ARHGAP33: variants seen among roughly 807,000 people sequenced by gnomAD.
ARHGAP33 encodes rho GTPase-activating protein 33.
Under a neutral mutation model 126.2 loss-of-function variants are expected in ARHGAP33, and 57 were observed. The ratio of observed to expected loss-of-function variants is 0.45; its 90% CI spans 0.36 to 0.56. The LOEUF (loss-of-function observed/expected upper bound fraction) is 0.56, where lower values mean the gene tolerates loss of function less well. Ranked by LOEUF, ARHGAP33 falls within the 20% of genes least tolerant of loss-of-function variation. ARHGAP33 has a pLI of 0.00. For missense variants in ARHGAP33, 1,500 were observed against 1,748.3 expected, an observed-to-expected ratio of 0.86 and a Z score of 2.53; for synonymous variants, 711 against 755.0, an observed-to-expected ratio of 0.94 and a Z score of 0.95.
intron 1 of ARHGAP33, 100 bp downstream of exon 1, chr19:35,775,764 G>A: frequency 8.1e-7 from 1 of 1,227,054 alleles, no homozygotes; most frequent in Non-Finnish European, 1.1e-6. Context: ...GCCCGATCCC[G>A]CGGCCTGTGC....
In ARHGAP33 at chr19:35,788,194, A is replaced by G; in HGVS notation, c.3629A>G (p.Gln1210Arg). The change falls in exon 21 of 21, where the codon CAA (glutamine) becomes CGA (arginine). Residue 1210 changes from glutamine to arginine, a missense_variant. Around this residue, in one of 6 missense-constraint regions of ARHGAP33, gnomAD observed 642 missense variants for 634.0 expected, o/e 1.01. Transcript: ENST00000007510. ...CCAGTCCCCCGCCTTCCCCAGAAACAACGGGCACCCTGGGGACCCCGTACC... is the reference window on the plus strand; with the variant it reads ...CCAGTCCCCCGCCTTCCCCAGAAACGACGGGCACCCTGGGGACCCCGTACC... ...GPPVPRLPQK[Q>R]RAPWGPRTPH... 1.2e-6 allele frequency: 2 copies of G among 1,603,866 alleles called. No homozygotes were observed. The highest frequency in any genetic ancestry group is 1.7e-6 in the Non-Finnish European group (2 of 1,176,630).
At chr19:35,778,173 C>A in intron 3 of ARHGAP33, 107 bp from the exon 4 acceptor site, 4 of 1,199,636 alleles carry the variant, frequency 3.3e-6, no homozygotes, top group Non-Finnish European at 3.6e-6. Flanking sequence ...AGGCCCTGTC[C>A]TCGGGGAGGT....
intron 6 of ARHGAP33, 199 bp from the exon 7 acceptor site, chr19:35,780,012 C>A: frequency 1.3e-6 from 1 of 766,608 alleles, no homozygotes; most frequent in Non-Finnish European, 2.3e-6. Context: ...AGGGGTTTTT[C>A]TTAGAGGTTT....
At position 35,786,744 on chromosome 19, in the gene ARHGAP33, C is replaced by T. The variant is rs551382423; in HGVS notation, c.2274C>T (p.Pro758=). Residue 758 remains proline, a synonymous_variant, in exon 20 of 21, where the codon CCC becomes CCT. Transcript: ENST00000007510. This position sits in a 1 kb window ranked among gnomAD's most constrained non-coding sequence, Gnocchi z 7.0. ...SSPTPGDPAP[P]ASPAPPAPAS... ...CCACCCCAGGGGATCCCGCACCTCC[C>T]GCCAGCCCAGCACCCCCCGCCCCTG... The T allele has an allele frequency of 1.9e-5, 29 of 1,524,930 alleles. No homozygotes were observed. The highest frequency in any genetic ancestry group is 3.6e-5 in the South Asian group (3 of 82,332). The allele number at this position is 1,524,930 out of a possible 1,614,324, so 94.5% of individuals were successfully genotyped here.
At position 35,777,732 on chromosome 19, in the gene ARHGAP33, C is replaced by G. The variant is rs946607857; in HGVS notation, c.94C>G (p.Pro32Ala). Residue 32 changes from proline to alanine, a missense_variant, in exon 2 of 21, where the codon CCT becomes GCT. Coordinates refer to ENST00000007510, the MANE Select transcript of ARHGAP33 (RefSeq NM_001366178.1). ...TAGGPSVKGK[P>A]GKRLSAPRGP... is the part of the protein sequence containing the mutation. ...TGGGGGGCCCAGTGTGAAGGGGAAG[C>G]CTGGGAAGAGGTGAGGGTGAGGGAG... is the stretch of plus-strand genomic sequence containing the variant. 1 of 1,611,560 alleles carries G rather than the reference C, an allele frequency of 6.2e-7. No individual in the cohort carries two copies. The highest frequency in any genetic ancestry group is 8.5e-7 in the Non-Finnish European group (1 of 1,178,950).
At chr19:35,776,423 A>G (rs1026948572) in intron 1 of ARHGAP33, among the ~76,000 whole-genome samples, 2 of 152,036 alleles carry the variant, frequency 1.3e-5, no homozygotes, top group African/African-American at 4.8e-5. Flanking sequence ...CTCCAGGCAC[A>G]GAGAGAGTCA....
Position 35,786,265 on chromosome 19 carries a change from G to A in ARHGAP33, c.1943-148G>A. The A allele has an allele frequency of 1.4e-6, 2 of 1,429,412 alleles. No homozygotes were observed. Among genetic ancestry groups the A allele is most frequent in the Non-Finnish European group, 1.8e-6 (2 of 1,096,330 alleles). The allele number at this position is 1,429,412 out of a possible 1,614,324, so 88.5% of individuals were successfully genotyped here. On this transcript the variant is annotated intron_variant, in intron 19 of 20. Coordinates refer to ENST00000007510, the MANE Select transcript of ARHGAP33 (RefSeq NM_001366178.1). This position sits in a 1 kb window ranked among gnomAD's most constrained non-coding sequence, Gnocchi z 7.0. ...TTTGGGCCGGAAGTGTCCTCTTCAT[G>A]GTCTCCACTGTCAATCTGAACAGCT...
At chr19:35,778,753 G>C in intron 5 of ARHGAP33, 152 bp downstream of exon 5, 1 of 1,169,368 alleles carries the variant, frequency 8.6e-7, no homozygotes, top group Non-Finnish European at 1.2e-6. Flanking sequence ...TAGAAACGTA[G>C]TAGGCTTCTG....
intron 15 of ARHGAP33, among the ~76,000 whole-genome samples, chr19:35,783,762 C>T (rs1235561095): frequency 2.0e-5 from 3 of 151,980 alleles, no homozygotes; most frequent in Admixed American, 6.6e-5. Flanking sequence ...CTGAGCCAGG[C>T]GGGCCCTGAT....
At chr19:35,775,927 G>C (rs1971431504) in intron 1 of ARHGAP33, among the ~76,000 whole-genome samples, 1 of 151,920 alleles carries the variant, frequency 6.6e-6, no homozygotes, top group African/African-American at 2.4e-5. Flanking sequence ...GCTAGTCCAG[G>C]AAGGGACCCG....
rs745959595 is a variant in ARHGAP33, at chr19:35,788,030, C to T, written c.3465C>T (p.Pro1155=). Residue 1155 remains proline, a synonymous_variant, in exon 21 of 21, where the codon CCC becomes CCT. Coordinates refer to ENST00000007510, the MANE Select transcript of ARHGAP33 (RefSeq NM_001366178.1). ...CTGACCACCTTGGCTACTCAGCCCC[C>T]CAGCACCCTGCTCGGCGCCCTACAC... ...FPPDHLGYSA[P]QHPARRPTPP... is the part of the protein sequence containing the mutation. 1 of 1,610,282 alleles carries T rather than the reference C, an allele frequency of 6.2e-7. No homozygotes were observed. Among genetic ancestry groups the T allele is most frequent in the East Asian group, 2.2e-5 (1 of 44,648 alleles).
At position 35,779,105 on chromosome 19, in the gene ARHGAP33, C is replaced by G; in HGVS notation, c.482C>G (p.Pro161Arg). The G allele has an allele frequency of 1.9e-6, 3 of 1,551,720 alleles. No homozygotes were observed. The highest frequency in any genetic ancestry group is 2.6e-6 in the Non-Finnish European group (3 of 1,147,076). Residue 161 changes from proline to arginine, a missense_variant, in exon 6 of 21, where the codon CCT (proline) becomes CGT (arginine). Pro to Arg is a moderately radical substitution (Grantham distance 103). Coordinates refer to ENST00000007510, the MANE Select transcript of ARHGAP33 (RefSeq NM_001366178.1). ...GLVDSNLNCG[P>R]VLTWMELDNH... ...GTGGACAGTAACCTCAACTGCGGGC[C>G]TGTGCTCACCTGGATGGAGGTGGGC...
chr19:35,787,263 A>T lies in ARHGAP33; in HGVS notation c.2698A>T (p.Met900Leu). 1 of 1,611,350 alleles carries T rather than the reference A, an allele frequency of 6.2e-7. No individual in the cohort carries two copies. The highest frequency in any genetic ancestry group is 8.5e-7 in the Non-Finnish European group (1 of 1,179,268). ...GCCCCCTAAGAACCCAGCACGCCTC[A>T]TGGCCCTGGCCCTGGCTGAGCGGGC... ...PPPPKNPARL[M>L]ALALAERAQQ... Residue 900 changes from methionine (M) to leucine (L), a missense_variant, in exon 21 of 21, where the codon ATG (methionine) becomes TTG (leucine). Physicochemically the swap from Met to Leu is conservative, Grantham distance 15 (BLOSUM62 2). Coordinates refer to ENST00000007510, the MANE Select transcript of ARHGAP33 (RefSeq NM_001366178.1).
At chr19:35,776,410 A>G (rs1157618058) in intron 1 of ARHGAP33, among the ~76,000 whole-genome samples, 1 of 151,760 alleles carries the variant, frequency 6.6e-6, no homozygotes, top group African/African-American at 2.4e-5. Context: ...TGCAGGCCCC[A>G]CGCTCCAGGC....
Position 35,785,457 on chromosome 19 carries a change from C to A in ARHGAP33, c.1916C>A (p.Ser639Tyr). The change falls in exon 19 of 21, where the codon TCT (serine) becomes TAT (tyrosine). Residue 639 changes from serine to tyrosine, a missense_variant. By Grantham distance (144) the Ser-to-Tyr change is moderately radical. Around this residue, in one of 6 missense-constraint regions of ARHGAP33, gnomAD observed 300 missense variants for 291.1 expected, o/e 1.03. Transcript: ENST00000007510. Reference protein sequence around the residue: ...VTLRSAKSEESLSSQASGAGL... With the variant: ...VTLRSAKSEEYLSSQASGAGL... ...CTGAGATCTGCCAAGAGCGAGGAGT[C>A]TCTGTCATCGCAGGCCAGCGGGGCT... 1 of 1,614,206 alleles carries A rather than the reference C, an allele frequency of 6.2e-7. No individual in the cohort carries two copies. Among genetic ancestry groups the A allele is most frequent in the South Asian group, 1.1e-5 (1 of 91,088 alleles).
intron 1 of ARHGAP33, 138 bp from the exon 2 acceptor site, chr19:35,777,507 C>T: frequency 1.4e-6 from 1 of 703,974 alleles, no homozygotes; most frequent in Non-Finnish European, 2.5e-6. Flanking sequence ...CCTCACCTCC[C>T]CCGACCTGCC....
rs759102286 is a variant in ARHGAP33 at position 35,788,202 on chromosome 19, CCCTGGGGACCCCGTA to C, written c.3640_3654del (p.Trp1214_Thr1218del). 3.7e-6 allele frequency: 6 copies of C among 1,608,714 alleles called. No homozygotes were observed. Among genetic ancestry groups the C allele is most frequent in the Non-Finnish European group, 4.2e-6 (5 of 1,178,314 alleles). ...CCGCCTTCCCCAGAAACAACGGGCA[CCCTGGGGACCCCGTA>C]CCCCTCATAGGGTGCCGGGTCCCTG... On this transcript the variant is annotated inframe_deletion, in exon 21 of 21. Transcript: ENST00000007510.
rs1264279266 is a variant in ARHGAP33 at position 35,782,973 on chromosome 19, A to G, written c.1421+104A>G. 3 of 1,007,568 alleles carry G rather than the reference A, an allele frequency of 3.0e-6. No individual in the cohort carries two copies. The highest frequency in any genetic ancestry group is 4.4e-6 in the Non-Finnish European group (3 of 678,898). 62.4% of individuals were successfully genotyped at this position (1,007,568 alleles called of 1,614,324 possible). ...TTTATTCATCGAATACGTGTCTATC[A>G]AATACCTCCCATGGACCTGGCCCCG... On this transcript the variant is annotated intron_variant, in intron 15 of 20. Transcript: ENST00000007510. The surrounding 1 kb of genome is among the most constrained non-coding windows in gnomAD (Gnocchi z 4.1).
At chr19:35,776,915 A>C (rs1010947883) in intron 1 of ARHGAP33, among the ~76,000 whole-genome samples, 1 of 152,200 alleles carries the variant, frequency 6.6e-6, no homozygotes, top group African/African-American at 2.4e-5. Context: ...GGAGGAGGGC[A>C]CATGTGAGTT....
Sources: allele counts gnomAD v4.1 joint callset (sites outside exome capture counted in the v4.1 genomes callset), GRCh38; gene constraint gnomAD v4.1.1; regional missense constraint gnomAD v4.1.1; non-coding constraint Gnocchi (gnomAD v3.1); transcripts MANE v1.5; gene names NCBI Gene and HGNC (gene_info 2026-07-23, HGNC 2026-07-21).